Variants in ZNF639 observed in about 807,000 individuals in gnomAD.
ZNF639 encodes zinc finger amplified in esophageal squamous cell carcinomas 1.
A neutral mutation model predicts 39.8 loss-of-function variants in ZNF639; 20 were observed. That is an observed-to-expected ratio of 0.50 (90% CI 0.35 to 0.73). The LOEUF is 0.73. ZNF639 is among the 30% of genes least tolerant of loss of function. The pLI, the probability that ZNF639 is intolerant of heterozygous loss-of-function variation, is 0.00. For missense variants in ZNF639, 477 were observed against 566.2 expected, an observed-to-expected ratio of 0.84 and a Z score of 1.60; for synonymous variants, 176 against 189.8, an observed-to-expected ratio of 0.93 and a Z score of 0.60.
upstream of ZNF639, chr3:179,322,965 GT>G: frequency 1.0e-6 from 1 of 985,108 alleles, no homozygotes; most frequent in Non-Finnish European, 1.2e-6. Flanking sequence ...TGTGCGGTGC[GT>G]TCGCGCAGCC....
chr3:179,336,097 CTTG>C lies in ZNF639; in HGVS notation c.*1678_*1680del, dbSNP rs1206524247. ...TGAGGCACCGCCCCAGGCCAAATTT[CTTG>C]TTTTTATAAAGACTCCAGTCATATT... On this transcript the variant is annotated 3_prime_UTR_variant, in exon 6 of 6. Coordinates refer to ENST00000496856, the MANE Select transcript of ZNF639 (RefSeq NM_001303426.2). The C allele has an allele frequency of 6.6e-6, 1 of 152,150 alleles. No individual in the cohort carries two copies. The allele number at this position is 152,150 out of a possible 1,614,324, so 9.4% of individuals were successfully genotyped here. A position where few individuals can be genotyped will look rare whatever the true frequency, so the allele number is the denominator to read the frequency against.
At chr3:179,322,927 G>A, upstream of ZNF639, 1 of 985,248 alleles carries the variant, frequency 1.0e-6, no homozygotes, top group Non-Finnish European at 1.2e-6. Flanking sequence ...CCCCGGGGCT[G>A]CGGGCCGGTG....
chr3:179,333,165 G>T (rs1420845316), intron 5 of ZNF639, 42 bp downstream of exon 5: 2 of 1,566,194 alleles, frequency 1.3e-6, no homozygotes, highest in Non-Finnish European at 1.7e-6. Flanking sequence ...TTTTGTATTG[G>T]TGAATTTTAA....
In ZNF639 at chr3:179,338,402, C is replaced by G. The variant is rs1475403204; in HGVS notation, c.*3980C>G. ...ATGGTTGTTCACTAAAAAGCCTCTTCTTTTCCTGCTTATAAATTTGCCAAT... is the reference window on the plus strand; with the variant it reads ...ATGGTTGTTCACTAAAAAGCCTCTTGTTTTCCTGCTTATAAATTTGCCAAT... On this transcript the variant is annotated 3_prime_UTR_variant, in exon 6 of 6. Transcript: ENST00000496856. 3 of 152,164 alleles carry G rather than the reference C, an allele frequency of 2.0e-5. No individual in the cohort carries two copies. Among genetic ancestry groups the G allele is most frequent in the Non-Finnish European group, 4.4e-5 (3 of 68,022 alleles). The allele number at this position is 152,164 out of a possible 1,614,324, so 9.4% of individuals were successfully genotyped here.
chr3:179,334,528 T>A lies in ZNF639; in HGVS notation c.*106T>A. ...AAACACAACTTATGAAATCTGCCTT[T>A]AACAAGTAACTTTTTTAAATTATAA... On this transcript the variant is annotated 3_prime_UTR_variant, in exon 6 of 6. Coordinates refer to ENST00000496856, the MANE Select transcript of ZNF639 (RefSeq NM_001303426.2). 1 of 809,418 alleles carries A rather than the reference T, an allele frequency of 1.2e-6. No individual in the cohort carries two copies. Among genetic ancestry groups the A allele is most frequent in the Non-Finnish European group, 1.8e-6 (1 of 567,094 alleles). 50.1% of individuals were successfully genotyped at this position (809,418 alleles called of 1,614,324 possible). A position where few individuals can be genotyped will look rare whatever the true frequency, so the allele number is the denominator to read the frequency against.
In ZNF639 at chr3:179,333,908, A is replaced by T. The variant is rs1402716580; in HGVS notation, c.944A>T (p.Glu315Val). The T allele has an allele frequency of 6.2e-7, 1 of 1,614,198 alleles. No individual in the cohort carries two copies. The highest frequency in any genetic ancestry group is 1.1e-5 in the South Asian group (1 of 91,086). Residue 315 changes from glutamate to valine, a missense_variant, in exon 6 of 6, where the codon GAA (glutamate) becomes GTA (valine). By Grantham distance (121) the Glu-to-Val change is moderately radical. Coordinates refer to ENST00000496856, the MANE Select transcript of ZNF639 (RefSeq NM_001303426.2). ...CATTTCCAGGAGCACAGCTGTGATG[A>T]ACAGTACTTGTGTCAGTTCTGTGAA... Reference protein sequence around the residue: ...YLHFQEHSCDEQYLCQFCEHE... With the variant: ...YLHFQEHSCDVQYLCQFCEHE...
At chr3:179,332,154 A>G (rs778275105) in intron 4 of ZNF639, among the ~76,000 whole-genome samples, 5 of 152,194 alleles carry the variant, frequency 3.3e-5, no homozygotes, top group Non-Finnish European at 7.3e-5. Flanking sequence ...AGATGACTTT[A>G]TTGACTTTTA....
chr3:179,328,199 A>T, intron 2 of ZNF639, 84 bp from the exon 3 acceptor site: 1 of 749,002 alleles, frequency 1.3e-6, no homozygotes, highest in Non-Finnish European at 2.2e-6. Context: ...TCATATTGCC[A>T]ATAAATTCTT....
In ZNF639 at chr3:179,334,077, A is replaced by G; in HGVS notation, c.1113A>G (p.Lys371=). 6.2e-7 allele frequency: 1 copy of G among 1,613,720 alleles called. No homozygotes were observed. The highest frequency in any genetic ancestry group is 1.1e-5 in the South Asian group (1 of 90,994). ...GCAAAATTACCTTTGACAAATGTAA[A>G]AACTTCTTTGTATGTCAAGTATGTG... The part of the protein sequence containing the change: ...LLSKITFDKC[K]NFFVCQVCGF... Residue 371 remains lysine (K), a synonymous_variant, in exon 6 of 6, where the codon AAA becomes AAG. Transcript: ENST00000496856.
upstream of ZNF639, chr3:179,322,908 C>G (rs1029493707): frequency 5.1e-6 from 5 of 984,868 alleles, no homozygotes; most frequent in African/African-American, 7.0e-5. Flanking sequence ...GCGCGGGCCG[C>G]TGGGCCTCCC....
chr3:179,327,759 T>A (rs978397726), intron 2 of ZNF639, 128 bp downstream of exon 2: 1 of 152,318 alleles, frequency 6.6e-6, no homozygotes, highest in Non-Finnish European at 1.5e-5. Context: ...GGAAAATGAT[T>A]TTTTTCTTGA....
At chr3:179,332,197 A>G (rs1410348271) in intron 4 of ZNF639, among the ~76,000 whole-genome samples, 4 of 152,254 alleles carry the variant, frequency 2.6e-5, no homozygotes, top group Non-Finnish European at 5.9e-5. Context: ...CATTAATTGT[A>G]ACAAATGTGC....
At position 179,334,491 on chromosome 3, in the gene ZNF639, A is replaced by G. The variant is rs1216014455; in HGVS notation, c.*69A>G. The G allele has an allele frequency of 2.4e-6, 3 of 1,246,874 alleles. No homozygotes were observed. Among genetic ancestry groups the G allele is most frequent in the Non-Finnish European group, 3.2e-6 (3 of 927,806 alleles). The allele number at this position is 1,246,874 out of a possible 1,614,324, so 77.2% of individuals were successfully genotyped here. A position where few individuals can be genotyped will look rare whatever the true frequency, so the allele number is the denominator to read the frequency against. ...TCATCCTTTTTTTGGAGATGATTAA[A>G]TGGATGATTGTAAACACAACTTATG... On this transcript the variant is annotated 3_prime_UTR_variant, in exon 6 of 6. Transcript: ENST00000496856.
At position 179,334,780 on chromosome 3, in the gene ZNF639, A is replaced by G. The variant is rs553481216; in HGVS notation, c.*358A>G. The G allele has an allele frequency of 6.4e-6, 1 of 156,206 alleles. No individual in the cohort carries two copies. The highest frequency in any genetic ancestry group is 2.4e-5 in the African/African-American group (1 of 41,568). 9.7% of individuals were successfully genotyped at this position (156,206 alleles called of 1,614,324 possible). On this transcript the variant is annotated 3_prime_UTR_variant, in exon 6 of 6. Coordinates refer to ENST00000496856, the MANE Select transcript of ZNF639 (RefSeq NM_001303426.2). ...GTAACTTTTTAAAACTCAAGACAAG[A>G]TTAGTTTTTTATGTGTGAAGTCATT...
chr3:179,327,203 T>G lies in ZNF639; in HGVS notation c.-82-358T>G, dbSNP rs187594833. Among the ~76,000 whole-genome samples the G allele has an allele frequency of 5.9e-5, 9 of 151,978 alleles. 2 individuals carry two copies. The highest frequency in any genetic ancestry group is 2.1e-4 in the South Asian group (1 of 4,814). Reference sequence around the variant, plus strand: ...AAAACTCGGTCTCAAAAACAAAAAGTTTATAATTTGGTTTGCTTTCATTAT... The same window carrying G: ...AAAACTCGGTCTCAAAAACAAAAAGGTTATAATTTGGTTTGCTTTCATTAT... On this transcript the variant is annotated intron_variant, in intron 1 of 5. Coordinates refer to ENST00000496856, the MANE Select transcript of ZNF639 (RefSeq NM_001303426.2).
chr3:179,330,455 A>G (rs755829612), intron 4 of ZNF639, among the ~76,000 whole-genome samples: 20 of 151,972 alleles, frequency 1.3e-4, no homozygotes, highest in Non-Finnish European at 2.1e-4. Flanking sequence ...GCTAATTTTT[A>G]AAAATTTTTT....
In ZNF639 at chr3:179,334,938, T is replaced by A. The variant is rs1230467069; in HGVS notation, c.*516T>A. 2.0e-5 allele frequency: 3 copies of A among 152,018 alleles called. No homozygotes were observed. The highest frequency in any genetic ancestry group is 1.9e-4 in the East Asian group (1 of 5,174). The allele number at this position is 152,018 out of a possible 1,614,324, so 9.4% of individuals were successfully genotyped here. ...TGGTTTTCATGGCAGTCTGTTTTTT[T>A]AAAAAAAAATTTTTGAGCCACTATC... On this transcript the variant is annotated 3_prime_UTR_variant, in exon 6 of 6. Transcript: ENST00000496856.
rs1341518871 is a variant in ZNF639 at position 179,334,146 on chromosome 3, T to C, written c.1182T>C (p.Ala394=). 1 of 1,614,052 alleles carries C rather than the reference T, an allele frequency of 6.2e-7. No homozygotes were observed. Among genetic ancestry groups the C allele is most frequent in the Non-Finnish European group, 8.5e-7 (1 of 1,180,018 alleles). Residue 394 remains alanine, a synonymous_variant, in exon 6 of 6, where the codon GCT becomes GCC. Coordinates refer to ENST00000496856, the MANE Select transcript of ZNF639 (RefSeq NM_001303426.2). ...RLHTNVNRHV[A]IEHTKIFPHV... Reference sequence around the variant, plus strand: ...ACACAAATGTTAACAGGCATGTTGCTATTGAACATACAAAAATTTTTCCTC... The same window carrying C: ...ACACAAATGTTAACAGGCATGTTGCCATTGAACATACAAAAATTTTTCCTC...
Position 179,333,424 on chromosome 3 carries a change from G to A in ZNF639, c.460G>A (p.Glu154Lys), listed in dbSNP as rs1225340275. The change falls in exon 6 of 6, where the codon GAG becomes AAG. Residue 154 changes from glutamate to lysine, a missense_variant. By Grantham distance (56) the Glu-to-Lys change is moderately conservative (BLOSUM62 1). Transcript: ENST00000496856. ...VHAISEDYDI[E>K]TENNSSESLQ... The stretch of plus-strand genomic sequence containing the variant: ...TGCGATTTCTGAGGATTATGATATA[G>A]AGACAGAAAACAATTCCTCTGAGAG... 1 of 1,614,090 alleles carries A rather than the reference G, an allele frequency of 6.2e-7. No homozygotes were observed.
Sources: gnomAD v4.1 joint callset for allele counts (sites outside exome capture counted in the v4.1 genomes callset) on GRCh38, gnomAD v4.1.1 for gene constraint, MANE v1.5 for transcripts, NCBI Gene and HGNC (gene_info 2026-07-23, HGNC 2026-07-21) for gene names.